The following ANKRD36B variants were observed in gnomAD, a reference collection of about 807,000 sequenced individuals.
The protein encoded by ANKRD36B is ankyrin repeat domain-containing protein 36B.
A neutral mutation model predicts 135.7 loss-of-function variants in ANKRD36B; 37 were observed. The observed-to-expected ratio is 0.27, with a 90% CI of 0.21 to 0.36. The LOEUF is 0.36. Ranked by LOEUF, ANKRD36B falls within the 10% of genes least tolerant of loss-of-function variation. The pLI is 1.00. For synonymous variants in ANKRD36B, 179 were observed against 348.1 expected, an observed-to-expected ratio of 0.51 and a Z score of 5.41; for missense variants, 549 against 1,037.1, an observed-to-expected ratio of 0.53 and a Z score of 6.46.
intron 35 of ANKRD36B, among the ~76,000 whole-genome samples, chr2:97,529,200 C>G (rs1198316013): frequency 1.1e-5 from 1 of 94,528 alleles, no homozygotes; most frequent in Non-Finnish European, 2.8e-5. Context: ...AAAAGCTTAT[C>G]CACCATGATC....
rs1234067362 is a variant in ANKRD36B, at chr2:97,527,247, A to T, written c.2266-3780T>A. The stretch of plus-strand genomic sequence containing the variant: ...AAACCAGAAGAGAGTGGGGGCCAAT[A>T]TTCAACATTCTTAAAGAAAAGAATT... On this transcript the variant is annotated intron_variant, in intron 35 of 43. Coordinates refer to ENST00000359901, the MANE Select transcript of ANKRD36B (RefSeq NM_001393939.1). 2.1e-5 allele frequency among the ~76,000 whole-genome samples: 2 copies of T among 96,146 alleles called. 1 individual carries two copies. Among genetic ancestry groups the T allele is most frequent in the Non-Finnish European group, 5.5e-5 (2 of 36,236 alleles). 63.1% of individuals were successfully genotyped at this position (96,146 alleles called of 152,430 possible).
chr2:97,581,193 T>C (rs1428896422), intron 3 of ANKRD36B, among the ~76,000 whole-genome samples: 2 of 148,214 alleles, frequency 1.3e-5, no homozygotes, highest in Non-Finnish European at 3.0e-5. Context: ...TTGGAGAATG[T>C]TAACATTTGA....
At chr2:97,587,408 C>A (rs894097429) in intron 1 of ANKRD36B, among the ~76,000 whole-genome samples, 2 of 152,090 alleles carry the variant, frequency 1.3e-5, no homozygotes, top group African/African-American at 4.8e-5. Flanking sequence ...TTACTAACAC[C>A]ATAGATTGTT....
chr2:97,571,428 A>AC (rs1010711964), intron 6 of ANKRD36B, among the ~76,000 whole-genome samples: 1 of 152,158 alleles, frequency 6.6e-6, no homozygotes, highest in African/African-American at 2.4e-5. Flanking sequence ...CGGGCGGATC[A>AC]CAAGGTCAGG....
At position 97,589,592 on chromosome 2, in the gene ANKRD36B, T is replaced by C. The variant is rs761097473; in HGVS notation, c.94A>G (p.Asn32Asp). The C allele has an allele frequency of 3.7e-6, 6 of 1,613,770 alleles. No individual in the cohort carries two copies. Among genetic ancestry groups the C allele is most frequent in the South Asian group, 1.1e-5 (1 of 91,056 alleles). ...AGAAGGTACTTCAGTTTCTCCAGAT[T>C]ACCACGTAAGACAGCTCTGTGGATC... ...KRIHRAVLRG[N>D]LEKLKYLLLT... The change falls in exon 1 of 44, where the codon AAT (asparagine) becomes GAT (aspartate). Residue 32 changes from asparagine (N) to aspartate (D), a missense_variant. Asn to Asp is a conservative substitution (Grantham distance 23, BLOSUM62 1). Coordinates refer to ENST00000359901, the MANE Select transcript of ANKRD36B (RefSeq NM_001393939.1).
At position 97,584,972 on chromosome 2, in the gene ANKRD36B, T is replaced by C; in HGVS notation, c.422A>G (p.His141Arg). The C allele has an allele frequency of 6.2e-7, 1 of 1,606,874 alleles. No individual in the cohort carries two copies. The highest frequency in any genetic ancestry group is 8.5e-7 in the Non-Finnish European group (1 of 1,178,222). The change falls in exon 3 of 44, where the codon CAT (histidine) becomes CGT (arginine). Residue 141 changes from histidine to arginine, a missense_variant. Transcript: ENST00000359901. ...GCTGCATTCTTCAATATTTGTACCATGTGAAAGAAGTTTTTCTATCATGGA... is the reference window on the plus strand; with the variant it reads ...GCTGCATTCTTCAATATTTGTACCACGTGAAAGAAGTTTTTCTATCATGGA... ...DTSMIEKLLSHGTNIEECSKN... is the reference protein window; with the variant it reads ...DTSMIEKLLSRGTNIEECSKN...
chr2:97,566,312 C>T (rs1303017778), intron 6 of ANKRD36B, among the ~76,000 whole-genome samples: 1 of 151,908 alleles, frequency 6.6e-6, no homozygotes, highest in African/African-American at 2.4e-5. Context: ...CAAAGTGAGA[C>T]TTCATCTCAA....
At chr2:97,580,723 T>G (rs2082580384) in intron 3 of ANKRD36B, among the ~76,000 whole-genome samples, 155 bp from the exon 4 acceptor site, 1 of 129,610 alleles carries the variant, frequency 7.7e-6, no homozygotes. Flanking sequence ...TTTTCTATGT[T>G]CTGCTCCTTC....
chr2:97,559,435 A>G (rs1437206410), intron 8 of ANKRD36B, among the ~76,000 whole-genome samples: 2 of 151,818 alleles, frequency 1.3e-5, no homozygotes, highest in African/African-American at 2.4e-5. Context: ...CAATAACTAG[A>G]AGGTACACAA....
chr2:97,557,154 T>A (rs2080604688), intron 10 of ANKRD36B, 22 bp from the exon 11 acceptor site: 1 of 1,509,056 alleles, frequency 6.6e-7, no homozygotes, highest in African/African-American at 1.4e-5. Context: ...AAGAAATATA[T>A]AATTCATCAT....
chr2:97,551,349 C>T lies in ANKRD36B; in HGVS notation c.1315G>A (p.Glu439Lys). The T allele has an allele frequency of 6.3e-7, 1 of 1,593,292 alleles. No individual in the cohort carries two copies. The highest frequency in any genetic ancestry group is 1.1e-5 in the South Asian group (1 of 89,530). The change falls in exon 18 of 44, where the codon GAG (glutamate) becomes AAG (lysine). Residue 439 changes from glutamate to lysine, a missense_variant. Transcript: ENST00000359901. Reference sequence around the variant, plus strand: ...GTTATATTCGAAAAAGAATCTTTCTCATCACTTGTGGCCTGAATGGAATTT... The same window carrying T: ...GTTATATTCGAAAAAGAATCTTTCTTATCACTTGTGGCCTGAATGGAATTT... ...KKPALKATSD[E>K]KDSFSNITRE...
rs753968810 is a variant in ANKRD36B at position 97,585,279 on chromosome 2, T to C, written c.276+5A>G. On this transcript the variant is annotated splice_donor_5th_base_variant and intron_variant, in intron 2 of 43. Coordinates refer to ENST00000359901, the MANE Select transcript of ANKRD36B (RefSeq NM_001393939.1). ...CTCATGCTCAAAGAGTCAGCTACTA[T>C]GTACCTTGATCAGAGGTGTCCTGTC... 3.1e-6 allele frequency: 5 copies of C among 1,588,136 alleles called. No individual in the cohort carries two copies. The highest frequency in any genetic ancestry group is 1.1e-5 in the South Asian group (1 of 88,222).
At chr2:97,547,825 T>C in intron 20 of ANKRD36B, 94 bp from the exon 21 acceptor site, 1 of 1,495,030 alleles carries the variant, frequency 6.7e-7, no homozygotes, top group Non-Finnish European at 9.1e-7. Flanking sequence ...TCTGTCTTCC[T>C]GCCTGTATTA....
In ANKRD36B at chr2:97,578,818, C is replaced by A. The variant is rs1312124473; in HGVS notation, c.695+88G>T. On this transcript the variant is annotated intron_variant, in intron 5 of 43. Coordinates refer to ENST00000359901, the MANE Select transcript of ANKRD36B (RefSeq NM_001393939.1). Reference sequence around the variant, plus strand: ...TGAAAACTACTTGAACCAAACTATGCAATCTCACCTGATATATAAGATGCA... The same window carrying A: ...TGAAAACTACTTGAACCAAACTATGAAATCTCACCTGATATATAAGATGCA... 2.3e-5 allele frequency: 34 copies of A among 1,476,058 alleles called. No homozygotes were observed. The Middle Eastern group carries it at 5.4e-4, about 24-fold the overall frequency. 91.4% of individuals were successfully genotyped at this position (1,476,058 alleles called of 1,614,324 possible).
intron 35 of ANKRD36B, among the ~76,000 whole-genome samples, chr2:97,527,753 T>A (rs1394775366): frequency 1.0e-5 from 1 of 95,280 alleles, no homozygotes; most frequent in Non-Finnish European, 2.8e-5. Context: ...GGGGTTGCAA[T>A]CCTATCTCTG....
At chr2:97,554,686 C>A (rs190984024) in intron 14 of ANKRD36B, among the ~76,000 whole-genome samples, 1 of 151,890 alleles carries the variant, frequency 6.6e-6, no homozygotes, top group African/African-American at 2.4e-5. Flanking sequence ...ATCAGTTTTC[C>A]GTCTGTTTTT....
chr2:97,589,224 A>C (rs1573126505), intron 1 of ANKRD36B, among the ~76,000 whole-genome samples: 1 of 100,746 alleles, frequency 9.9e-6, no homozygotes, highest in African/African-American at 4.0e-5. Flanking sequence ...TCCCCACCCC[A>C]CACCATCCAC....
chr2:97,581,188 G>A (rs2082610317), intron 3 of ANKRD36B, among the ~76,000 whole-genome samples: 1 of 147,514 alleles, frequency 6.8e-6, no homozygotes, highest in African/African-American at 2.6e-5. Context: ...TTATTTTGGA[G>A]AATGTTAACA....
At position 97,531,528 on chromosome 2, in the gene ANKRD36B, C is replaced by G. The variant is rs567102009; in HGVS notation, c.2265+783G>C. Among the ~76,000 whole-genome samples, 2 of 91,910 alleles carry G rather than the reference C, an allele frequency of 2.2e-5. 1 individual carries two copies. The highest frequency in any genetic ancestry group is 1.9e-4 in the Admixed American group (2 of 10,282). The allele number at this position is 91,910 out of a possible 152,430, so 60.3% of individuals were successfully genotyped here. On this transcript the variant is annotated intron_variant, in intron 35 of 43. Transcript: ENST00000359901. Reference sequence around the variant, plus strand: ...ATATGTAACTAACCTGCACATTGTGCACATGTTCCCTAAAATTTAAAGTAC... The same window carrying G: ...ATATGTAACTAACCTGCACATTGTGGACATGTTCCCTAAAATTTAAAGTAC...
Sources: allele counts gnomAD v4.1 joint callset (sites outside exome capture counted in the v4.1 genomes callset), GRCh38; gene constraint gnomAD v4.1.1; transcripts MANE v1.5; gene names NCBI Gene and HGNC (gene_info 2026-07-23, HGNC 2026-07-21).